BCR: variants seen among roughly 807,000 people sequenced by gnomAD.
BCR encodes the protein BCR activator of RhoGEF and GTPase, also known as breakpoint cluster region protein.
A neutral mutation model predicts 138.6 loss-of-function variants in BCR; 58 were observed. The ratio of observed to expected loss-of-function variants is 0.42; its 90% CI spans 0.34 to 0.52. The LOEUF (loss-of-function observed/expected upper bound fraction) is 0.52. BCR is among the 20% of genes least tolerant of loss of function. The pLI, the probability that BCR is intolerant of heterozygous loss-of-function variation, is 0.06. For missense variants in BCR, 1,599 were observed against 1,727.2 expected (o/e 0.93, Z 1.32); for synonymous variants, 786 against 730.1 (o/e 1.08, Z -1.23).
chr22:23,248,642 A>C (rs2146262606), intron 1 of BCR, among the ~76,000 whole-genome samples: 1 of 152,268 alleles, frequency 6.6e-6, no homozygotes, highest in South Asian at 2.1e-4. Flanking sequence ...AGAGGGTTTC[A>C]GATTTCACTA....
chr22:23,258,398 A>G (rs1419451732), intron 2 of BCR, among the ~76,000 whole-genome samples: 1 of 152,198 alleles, frequency 6.6e-6, no homozygotes, highest in Non-Finnish European at 1.5e-5. Context: ...GCCTGAGACC[A>G]TGGGGCAGGC....
chr22:23,252,434 T>TC (rs1555879565), intron 1 of BCR, among the ~76,000 whole-genome samples: 3 of 131,586 alleles, frequency 2.3e-5, no homozygotes, highest in Non-Finnish European at 3.4e-5. Flanking sequence ...TTTCTTTTCT[T>TC]TTTTTTTTTT....
chr22:23,199,191 C>T (rs759560079), intron 1 of BCR: 5 of 458,364 alleles, frequency 1.1e-5, no homozygotes, highest in Non-Finnish European at 2.2e-5. Context: ...CTGGTTTCCT[C>T]TCTCATGGCA....
intron 8 of BCR, among the ~76,000 whole-genome samples, chr22:23,274,740 T>C (rs1297787283): frequency 6.6e-6 from 1 of 151,802 alleles, no homozygotes; most frequent in East Asian, 1.9e-4. Flanking sequence ...AAACCCCGTC[T>C]CTACTAAAAA....
chr22:23,213,155 G>C (rs1309246407), intron 1 of BCR, among the ~76,000 whole-genome samples: 1 of 152,202 alleles, frequency 6.6e-6, no homozygotes, highest in Non-Finnish European at 1.5e-5. Context: ...TCTCAGGAAA[G>C]CCTTCCCGGA....
intron 1 of BCR, among the ~76,000 whole-genome samples, chr22:23,216,006 C>T (rs2072747565): frequency 6.6e-6 from 1 of 152,108 alleles, no homozygotes; most frequent in Non-Finnish European, 1.5e-5. Context: ...TGGTAATTAC[C>T]AAGTCTAACT....
chr22:23,201,959 A>G (rs750094480), intron 1 of BCR, among the ~76,000 whole-genome samples: 5 of 152,232 alleles, frequency 3.3e-5, no homozygotes, highest in Non-Finnish European at 5.9e-5. Flanking sequence ...TGAGATAATT[A>G]TGTGTAAATC....
At chr22:23,218,754 C>T (rs1364355819) in intron 1 of BCR, among the ~76,000 whole-genome samples, 5 of 152,240 alleles carry the variant, frequency 3.3e-5, no homozygotes, top group African/African-American at 1.2e-4. Context: ...GGTTCGCCTG[C>T]CCTCCGATGC....
chr22:23,262,860 G>A lies in BCR; in HGVS notation c.1752+1320G>A, dbSNP rs190628285. The A allele has an allele frequency of 8.8e-4, 917 of 1,047,704 alleles. 3 individuals are homozygous for A. The highest frequency in any genetic ancestry group is 8.5e-4 in the Non-Finnish European group (741 of 869,338). The allele number at this position is 1,047,704 out of a possible 1,614,324, so 64.9% of individuals were successfully genotyped here. A position where few individuals can be genotyped will look rare whatever the true frequency, so the allele number is the denominator to read the frequency against. ...GCAGGGCGGAAGGGAAGCCCGGGCC[G>A]CAGACGGCGAAGGAGGCAGCGGGCC... On this transcript the variant is annotated intron_variant, in intron 4 of 22. Coordinates refer to ENST00000305877, the MANE Select transcript of BCR (RefSeq NM_004327.4).
At position 23,261,420 on chromosome 22, in the gene BCR, G is replaced by A; in HGVS notation, c.1632G>A (p.Glu544=). 6.2e-7 allele frequency: 1 copy of A among 1,613,886 alleles called. No homozygotes were observed. The highest frequency in any genetic ancestry group is 8.5e-7 in the Non-Finnish European group (1 of 1,180,012). ...CGGTGCTGACGAGTCAGCAGATCGA[G>A]ACCATCTTCTTCAAAGTGCCTGAGC... ...SQPVLTSQQI[E]TIFFKVPELY... is the part of the protein sequence containing the mutation. The change falls in exon 4 of 23, where the codon GAG becomes GAA. Residue 544 remains glutamate, a synonymous_variant. Coordinates refer to ENST00000305877, the MANE Select transcript of BCR (RefSeq NM_004327.4).
chr22:23,259,031 G>A (rs996615541), intron 2 of BCR, among the ~76,000 whole-genome samples: 1 of 152,266 alleles, frequency 6.6e-6, no homozygotes, highest in Non-Finnish European at 1.5e-5. Flanking sequence ...GCCCGGTGGA[G>A]CACTGAGGTG....
At chr22:23,297,228 T>G (rs11705139) in intron 16 of BCR, among the ~76,000 whole-genome samples, 8,256 of 146,286 alleles carry the variant, frequency 0.056, 391 homozygotes, top group Middle Eastern at 0.12. Context: ...TTTGTTTTTT[T>G]TTTTTTTTTC....
At chr22:23,252,764 T>C (rs1203637300) in intron 1 of BCR, among the ~76,000 whole-genome samples, 1 of 152,134 alleles carries the variant, frequency 6.6e-6, no homozygotes, top group Non-Finnish European at 1.5e-5. Context: ...CCAACCCCCC[T>C]GTATGGGGGA....
chr22:23,221,568 G>A (rs1037575511), intron 1 of BCR, among the ~76,000 whole-genome samples: 3 of 152,230 alleles, frequency 2.0e-5, no homozygotes, highest in Non-Finnish European at 4.4e-5. Context: ...CATGCTGAAT[G>A]AAGAGGCCAC....
intron 1 of BCR, among the ~76,000 whole-genome samples, chr22:23,189,963 A>G (rs779631989): frequency 1.3e-5 from 2 of 152,174 alleles, no homozygotes; most frequent in Non-Finnish European, 2.9e-5. Flanking sequence ...GTCCCATAAC[A>G]AGATACCAAG....
At chr22:23,291,877 T>G (rs1885921960) in intron 14 of BCR, among the ~76,000 whole-genome samples, 1 of 152,154 alleles carries the variant, frequency 6.6e-6, no homozygotes, top group South Asian at 2.1e-4. Context: ...CTCCCTGGTC[T>G]TTGTAGCTCT....
chr22:23,237,330 C>A (rs1441643034), intron 1 of BCR, among the ~76,000 whole-genome samples: 3 of 152,214 alleles, frequency 2.0e-5, no homozygotes, highest in African/African-American at 7.2e-5. Flanking sequence ...CACCTCCTCC[C>A]ACGGCCCCCT....
rs759036663 is a variant in BCR, at chr22:23,273,820, T to G, written c.2115+46T>G. Reference sequence around the variant, plus strand: ...CTTGGGTCCACCCATCCTGCTGAGCTGGGGGCATGCAGGGCCCCTCGATCT... The same window carrying G: ...CTTGGGTCCACCCATCCTGCTGAGCGGGGGGCATGCAGGGCCCCTCGATCT... On this transcript the variant is annotated intron_variant, in intron 8 of 22. Transcript: ENST00000305877. The G allele has an allele frequency of 3.7e-6, 6 of 1,609,608 alleles. No individual in the cohort carries two copies. The South Asian group carries it at 4.4e-5, about 12-fold the overall frequency.
At position 23,311,796 on chromosome 22, in the gene BCR, G is replaced by A. The variant is rs531658651; in HGVS notation, c.3282G>A (p.Val1094=). 37 of 1,611,760 alleles carry A rather than the reference G, an allele frequency of 2.3e-5. No individual in the cohort carries two copies. The South Asian group carries it at 3.7e-4, about 16-fold the overall frequency. Residue 1094 remains valine (V), a synonymous_variant, in exon 19 of 23, where the codon GTG becomes GTA. Coordinates refer to ENST00000305877, the MANE Select transcript of BCR (RefSeq NM_004327.4). ...TGGGCATCTACCGCGTGTCCGGTGTGGCCACGGACATCCAGGCACTGAAGG... is the reference window on the plus strand; with the variant it reads ...TGGGCATCTACCGCGTGTCCGGTGTAGCCACGGACATCCAGGCACTGAAGG... ...EEVGIYRVSG[V]ATDIQALKAA...
Sources: gnomAD v4.1 joint callset for allele counts (sites outside exome capture counted in the v4.1 genomes callset) on GRCh38, gnomAD v4.1.1 for gene constraint, MANE v1.5 for transcripts, NCBI Gene and HGNC (gene_info 2026-07-23, HGNC 2026-07-21) for gene names.